The following MBOAT2 variants were observed in gnomAD, a reference collection of about 807,000 sequenced individuals.
The protein encoded by MBOAT2 is membrane bound glycerophospholipid O-acyltransferase 2.
MBOAT2 carries 28 observed loss-of-function variants against 63.4 expected under a neutral mutation model. The observed-to-expected ratio is 0.44, with a 90% CI of 0.33 to 0.61. The LOEUF (loss-of-function observed/expected upper bound fraction) is 0.61. MBOAT2 is among the 20% of genes least tolerant of loss of function. MBOAT2 has a pLI of 0.03. For missense variants in MBOAT2, 470 were observed against 605.8 expected (o/e 0.78, Z 2.35); for synonymous variants, 211 against 215.6 (o/e 0.98, Z 0.19).
chr2:8,924,109 CT>C (rs141685626), intron 3 of MBOAT2, among the ~76,000 whole-genome samples: 2,765 of 152,246 alleles, frequency 0.018, 31 homozygotes, highest in Middle Eastern at 0.037. Flanking sequence ...TCTATATTTG[CT>C]ACTTGAATAG....
intron 8 of MBOAT2, 40 bp downstream of exon 8, chr2:8,873,068 T>C (rs1220168753): frequency 6.3e-7 from 1 of 1,576,152 alleles, no homozygotes; most frequent in Non-Finnish European, 8.7e-7. Flanking sequence ...TAAGAAACGC[T>C]TCAACCAGAC....
At chr2:8,932,061 G>C (rs1434877881) in intron 3 of MBOAT2, among the ~76,000 whole-genome samples, 2 of 152,072 alleles carry the variant, frequency 1.3e-5, no homozygotes, top group African/African-American at 4.8e-5. Context: ...CAGGTTCTTA[G>C]CTATTGCCTC....
At chr2:8,918,521 G>A (rs1032973846) in intron 3 of MBOAT2, among the ~76,000 whole-genome samples, 12 of 152,144 alleles carry the variant, frequency 7.9e-5, no homozygotes, top group African/African-American at 2.9e-4. Context: ...GGATTTGCTG[G>A]GTGCAGGGAT....
chr2:8,871,516 GGAA>G (rs1290632041), intron 8 of MBOAT2, among the ~76,000 whole-genome samples: 6 of 152,144 alleles, frequency 3.9e-5, no homozygotes, highest in Non-Finnish European at 8.8e-5. Flanking sequence ...GGTTTGTTTA[GGAA>G]AGTTCTCAGT....
chr2:8,863,409 A>C (rs1661627348), intron 10 of MBOAT2, among the ~76,000 whole-genome samples: 1 of 152,220 alleles, frequency 6.6e-6, no homozygotes, highest in Non-Finnish European at 1.5e-5. Context: ...AATTCAAGAT[A>C]GGGCAATGTG....
At chr2:8,927,281 C>T (rs968497466) in intron 3 of MBOAT2, among the ~76,000 whole-genome samples, 2 of 152,134 alleles carry the variant, frequency 1.3e-5, no homozygotes, top group African/African-American at 4.8e-5. Context: ...ACACTTTACC[C>T]TATATCATTA....
rs781320747 is a variant in MBOAT2 at position 8,858,777 on chromosome 2, C to T, written c.1465G>A (p.Gly489Arg). The T allele has an allele frequency of 1.2e-6, 2 of 1,614,034 alleles. No homozygotes were observed. The highest frequency in any genetic ancestry group is 1.7e-6 in the Non-Finnish European group (2 of 1,180,006). Residue 489 changes from glycine to arginine, a missense_variant, in exon 13 of 13, where the codon GGA becomes AGA. Gly to Arg is a moderately radical substitution (Grantham distance 125, BLOSUM62 -2). Transcript: ENST00000305997. Reference protein sequence around the residue: ...QLSQSKKFDEGENSLGQNSFS... With the variant: ...QLSQSKKFDERENSLGQNSFS... ...CTGTTCTGTCCCAAAGAATTTTCTC[C>T]TTCATCAAACTTTTTGGATTGTGAG...
chr2:8,999,597 C>T (rs1238234416), intron 1 of MBOAT2, among the ~76,000 whole-genome samples: 1 of 152,196 alleles, frequency 6.6e-6, no homozygotes, highest in East Asian at 1.9e-4. Context: ...ATAAAGAACA[C>T]AGATACCTTC....
chr2:8,960,248 C>A (rs1316302076), intron 1 of MBOAT2, among the ~76,000 whole-genome samples: 1 of 152,094 alleles, frequency 6.6e-6, no homozygotes, highest in Non-Finnish European at 1.5e-5. Flanking sequence ...AACTTTGTTT[C>A]AAGTATCTCT....
Position 8,853,460 on chromosome 2 carries a change from T to C in MBOAT2, c.*5219A>G, listed in dbSNP as rs1217963796. On this transcript the variant is annotated 3_prime_UTR_variant, in exon 13 of 13. Transcript: ENST00000305997. Reference sequence around the variant, plus strand: ...TAATGCAAAAGGACAGGGGGGAATATTCAAATTGATTTCCCAAGAAAATTA... The same window carrying C: ...TAATGCAAAAGGACAGGGGGGAATACTCAAATTGATTTCCCAAGAAAATTA... 1 of 152,236 alleles carries C rather than the reference T, an allele frequency of 6.6e-6. No individual in the cohort carries two copies. Among genetic ancestry groups the C allele is most frequent in the Non-Finnish European group, 1.5e-5 (1 of 68,044 alleles). The allele number at this position is 152,236 out of a possible 1,614,324, so 9.4% of individuals were successfully genotyped here.
intron 1 of MBOAT2, 22 bp from the exon 2 acceptor site, chr2:8,958,664 T>TTTC (rs1287923374): frequency 3.9e-6 from 6 of 1,542,326 alleles, no homozygotes; most frequent in Non-Finnish European, 8.7e-7. Context: ...AATTAAAATT[T>TTTC]TGTATTAGCA....
chr2:8,982,820 A>C (rs769287061), intron 1 of MBOAT2, among the ~76,000 whole-genome samples: 31 of 152,234 alleles, frequency 2.0e-4, no homozygotes, highest in Non-Finnish European at 4.1e-4. Context: ...TCTCATAAGG[A>C]CCTGTTCCTT....
At chr2:8,975,522 T>C (rs1670755398) in intron 1 of MBOAT2, among the ~76,000 whole-genome samples, 1 of 152,068 alleles carries the variant, frequency 6.6e-6, no homozygotes, top group African/African-American at 2.4e-5. Context: ...GGGGCAAGAA[T>C]CATGCCTCAA....
chr2:8,958,666 G>T (rs764443471), intron 1 of MBOAT2, 24 bp from the exon 2 acceptor site: 6 of 1,538,794 alleles, frequency 3.9e-6, no homozygotes, highest in Non-Finnish European at 8.7e-7. Flanking sequence ...TTAAAATTTT[G>T]TATTAGCAAC....
intron 3 of MBOAT2, among the ~76,000 whole-genome samples, chr2:8,937,088 G>A (rs1036217383): frequency 6.6e-6 from 1 of 152,156 alleles, no homozygotes. Context: ...TTCTTCCCTG[G>A]GAACAGAGAG....
At chr2:8,965,912 A>G (rs542788932) in intron 1 of MBOAT2, among the ~76,000 whole-genome samples, 1 of 152,346 alleles carries the variant, frequency 6.6e-6, no homozygotes, top group South Asian at 2.1e-4. Flanking sequence ...AAATTTCAAT[A>G]TAGCGCAAAG....
intron 1 of MBOAT2, among the ~76,000 whole-genome samples, chr2:8,983,682 T>C (rs750363862): frequency 7.6e-4 from 116 of 152,298 alleles, no homozygotes; most frequent in Non-Finnish European, 8.5e-4. Flanking sequence ...GATTGGATGA[T>C]AGAAATTTAC....
chr2:8,956,735 T>C (rs993894392), intron 2 of MBOAT2, among the ~76,000 whole-genome samples: 1 of 152,190 alleles, frequency 6.6e-6, no homozygotes, highest in African/African-American at 2.4e-5. Flanking sequence ...TTATCACATA[T>C]AATTTGAAGT....
At chr2:8,895,436 T>C (rs951908615) in intron 4 of MBOAT2, among the ~76,000 whole-genome samples, 1 of 152,174 alleles carries the variant, frequency 6.6e-6, no homozygotes, top group African/African-American at 2.4e-5. Context: ...GGTTGGTGCA[T>C]TTACAATCCT....
Sources: allele counts gnomAD v4.1 joint callset (sites outside exome capture counted in the v4.1 genomes callset), GRCh38; gene constraint gnomAD v4.1.1; transcripts MANE v1.5; gene names NCBI Gene and HGNC (gene_info 2026-07-23, HGNC 2026-07-21).